Variants in IRAG2 observed in about 807,000 individuals in gnomAD.
IRAG2 encodes inositol 1,4,5-triphosphate receptor associated 2, also known as lymphoid restricted membrane protein.
Under a neutral mutation model 69.9 loss-of-function variants are expected in IRAG2, and 45 were observed. The observed-to-expected ratio is 0.64, with a 90% CI of 0.51 to 0.83. The LOEUF (loss-of-function observed/expected upper bound fraction) is 0.83. Among genes scored for constraint, IRAG2 ranks in the 40% least tolerant of loss-of-function variants. The pLI, the probability that IRAG2 is intolerant of heterozygous loss-of-function variation, is 0.00. For missense variants in IRAG2, 520 were observed against 587.0 expected (o/e 0.89, Z 1.18); for synonymous variants, 193 against 202.4 (o/e 0.95, Z 0.40).
At chr12:25,031,785 C>T (rs1431456037) in intron 10 of IRAG2, among the ~76,000 whole-genome samples, 2 of 152,174 alleles carry the variant, frequency 1.3e-5, no homozygotes, top group Non-Finnish European at 2.9e-5. Context: ...GCCTCAGCCT[C>T]CTGAGTAGCT....
chr12:25,077,116 A>T (rs573968148), intron 6 of IRAG2, among the ~76,000 whole-genome samples: 2 of 144,814 alleles, frequency 1.4e-5, no homozygotes, highest in African/African-American at 5.1e-5. Flanking sequence ...CAGTCCTTCC[A>T]CTGCAGCCTT....
At chr12:25,069,030 A>G (rs530607613) in intron 5 of IRAG2, among the ~76,000 whole-genome samples, 1 of 152,334 alleles carries the variant, frequency 6.6e-6, no homozygotes, top group Admixed American at 6.5e-5. Flanking sequence ...CTTAGGAAAC[A>G]TTAAAAAATG....
intron 15 of IRAG2, among the ~76,000 whole-genome samples, chr12:25,098,406 G>A (rs1948550388): frequency 6.6e-6 from 1 of 152,100 alleles, no homozygotes; most frequent in Non-Finnish European, 1.5e-5. Flanking sequence ...CCTCACTGAG[G>A]AAACTGGGAC....
chr12:25,023,417 G>A (rs1453553396), intron 7 of IRAG2, among the ~76,000 whole-genome samples: 1 of 149,834 alleles, frequency 6.7e-6, no homozygotes, highest in Non-Finnish European at 1.5e-5. Context: ...TTTTTTTTCT[G>A]ATGGTTCTGA....
intron 14 of IRAG2, among the ~76,000 whole-genome samples, chr12:25,092,083 G>A (rs2140179986): frequency 6.6e-6 from 1 of 152,138 alleles, no homozygotes. Context: ...TGGCCAACAT[G>A]GCGAAACACC....
chr12:25,050,286 T>C (rs143830784), upstream of IRAG2, among the ~76,000 whole-genome samples: 1,123 of 151,686 alleles, frequency 7.4e-3, 11 homozygotes, highest in Non-Finnish European at 0.013. Flanking sequence ...ATCCCAGCAC[T>C]TTCGGAGGCC....
At chr12:25,023,673 A>G (rs1383590130) in intron 7 of IRAG2, among the ~76,000 whole-genome samples, 1 of 152,100 alleles carries the variant, frequency 6.6e-6, no homozygotes, top group Non-Finnish European at 1.5e-5. Context: ...CCAGGAGGAG[A>G]ATGACTTCAC....
At chr12:25,074,604 C>T (rs79294094) in intron 6 of IRAG2, among the ~76,000 whole-genome samples, 3,182 of 152,196 alleles carry the variant, frequency 0.021, 69 homozygotes, top group East Asian at 0.11. Flanking sequence ...CTGTAACATA[C>T]GCAAAATACC....
chr12:25,078,964 G>C (rs1236843744), intron 6 of IRAG2, among the ~76,000 whole-genome samples: 1 of 152,152 alleles, frequency 6.6e-6, no homozygotes, highest in Non-Finnish European at 1.5e-5. Context: ...AACCCTATCT[G>C]CCATTTGAGT....
At chr12:25,069,544 T>C (rs1401031982) in intron 6 of IRAG2, 113 bp downstream of exon 6, 15 of 926,388 alleles carry the variant, frequency 1.6e-5, no homozygotes, top group Admixed American at 2.5e-5. Context: ...ATGGATATTC[T>C]TGTAGCAAGT....
At chr12:25,072,903 C>T (rs1474028481) in intron 6 of IRAG2, among the ~76,000 whole-genome samples, 3 of 152,218 alleles carry the variant, frequency 2.0e-5, no homozygotes, top group African/African-American at 7.2e-5. Flanking sequence ...ACAATGTATG[C>T]TTTTCCATTT....
chr12:25,082,491 T>G (rs11829209), intron 9 of IRAG2, among the ~76,000 whole-genome samples: 3 of 151,424 alleles, frequency 2.0e-5, no homozygotes, highest in African/African-American at 7.3e-5. Flanking sequence ...TCCCAGACAC[T>G]TGGGAGGCTG....
At chr12:25,105,266 C>T (rs1054371497) in intron 20 of IRAG2, among the ~76,000 whole-genome samples, 20 of 151,834 alleles carry the variant, frequency 1.3e-4, no homozygotes, top group Non-Finnish European at 2.5e-4. Flanking sequence ...TTAGTAGAGA[C>T]GGGGTTTCAC....
chr12:25,088,282 A>G (rs1947785044), intron 11 of IRAG2, 125 bp downstream of exon 11: 1 of 738,964 alleles, frequency 1.4e-6, no homozygotes, highest in Non-Finnish European at 2.3e-6. Flanking sequence ...AGGTCAGTCA[A>G]TAGGACCGAT....
chr12:25,053,377 T>C (rs530368038), intron 1 of IRAG2, among the ~76,000 whole-genome samples: 2 of 152,096 alleles, frequency 1.3e-5, no homozygotes, highest in East Asian at 3.8e-4. Flanking sequence ...CTATTTTCTT[T>C]GGAAATTTTA....
At chr12:25,007,667 G>T (rs12369197) in intron 2 of IRAG2, among the ~76,000 whole-genome samples, 1 of 150,844 alleles carries the variant, frequency 6.6e-6, no homozygotes, top group South Asian at 2.1e-4. Context: ...GATTACAGGC[G>T]CCCACCACTA....
intron 10 of IRAG2, among the ~76,000 whole-genome samples, chr12:25,085,327 GA>G (rs1245960420): frequency 3.9e-5 from 6 of 152,172 alleles, no homozygotes; most frequent in Admixed American, 2.0e-4. Flanking sequence ...CAGAAGGGGG[GA>G]TGGAGTGGGA....
In IRAG2 at chr12:25,021,717, G is replaced by A. The variant is rs146868289; in HGVS notation, c.1332+810G>A. ...GTAAGGAGTGGCTGAAAGTCATTCC[G>A]ACTAATTTGTTTCAGGTATCAGTTG... On this transcript the variant is annotated intron_variant, in intron 7 of 38. Transcript: ENST00000636465. 7.6e-4 allele frequency among the ~76,000 whole-genome samples: 116 copies of A among 152,272 alleles called. No homozygotes were observed. In the East Asian group the frequency reaches 0.018, roughly 23 times the overall value.
chr12:25,030,442 A>C, intron 10 of IRAG2: 1 of 718,028 alleles, frequency 1.4e-6, no homozygotes, highest in East Asian at 3.5e-5. Context: ...GCTGGAGTGC[A>C]ATGGCATGAT....
Sources: allele counts gnomAD v4.1 joint callset (sites outside exome capture counted in the v4.1 genomes callset), GRCh38; gene constraint gnomAD v4.1.1; transcripts MANE v1.5; gene names NCBI Gene and HGNC (gene_info 2026-07-23, HGNC 2026-07-21).